RAD51B: variants seen among roughly 807,000 people sequenced by gnomAD.
The protein encoded by RAD51B is DNA repair protein RAD51 homolog 2.
A neutral mutation model predicts 42.2 loss-of-function variants in RAD51B; 38 were observed. The observed-to-expected ratio is 0.90, with a 90% CI of 0.70 to 1.18. The LOEUF (loss-of-function observed/expected upper bound fraction) is 1.18. Among genes scored for constraint, RAD51B ranks in the 50% most tolerant of loss-of-function variants. RAD51B has a pLI of 0.00. For synonymous variants in RAD51B, 154 were observed against 145.2 expected (o/e 1.06, Z -0.43); for missense variants, 373 against 400.7 (o/e 0.93, Z 0.59).
At chr14:68,618,876 G>A (rs1026757922) in intron 10 of RAD51B, among the ~76,000 whole-genome samples, 2 of 151,914 alleles carry the variant, frequency 1.3e-5, no homozygotes, top group Admixed American at 6.6e-5. Context: ...CCCATTCTTA[G>A]AATTCCTAGC....
At chr14:68,233,790 A>T (rs767565067) in intron 7 of RAD51B, among the ~76,000 whole-genome samples, 1 of 152,220 alleles carries the variant, frequency 6.6e-6, no homozygotes, top group Non-Finnish European at 1.5e-5. Context: ...AAATGCAAAG[A>T]GGTGTGAAAG....
chr14:68,230,831 G>T (rs2080134626), intron 7 of RAD51B, among the ~76,000 whole-genome samples: 1 of 152,146 alleles, frequency 6.6e-6, no homozygotes. Context: ...AGGCATCTTT[G>T]GTCATTGTAG....
intron 8 of RAD51B, among the ~76,000 whole-genome samples, chr14:68,327,468 T>G (rs1421924152): frequency 6.6e-6 from 1 of 151,866 alleles, no homozygotes; most frequent in Non-Finnish European, 1.5e-5. Context: ...AAGAGTATAT[T>G]ACGCTTGGAG....
intron 7 of RAD51B, among the ~76,000 whole-genome samples, chr14:67,957,913 A>C (rs1443063825): frequency 6.6e-6 from 1 of 152,220 alleles, no homozygotes; most frequent in Non-Finnish European, 1.5e-5. Flanking sequence ...TAAAACTTAC[A>C]TGAGAAGTCA....
At chr14:68,514,893 A>G (rs1369063702) in intron 10 of RAD51B, among the ~76,000 whole-genome samples, 5 of 152,214 alleles carry the variant, frequency 3.3e-5, no homozygotes, top group African/African-American at 1.2e-4. Context: ...AAGAAAAAAG[A>G]GTGAAAGGCT....
chr14:67,982,125 G>C (rs2075105284), intron 7 of RAD51B, among the ~76,000 whole-genome samples: 1 of 151,958 alleles, frequency 6.6e-6, no homozygotes, highest in Admixed American at 6.6e-5. Flanking sequence ...AGTAGAGACG[G>C]GGTTTCACCA....
At chr14:68,360,156 G>A (rs1026804208) in intron 8 of RAD51B, among the ~76,000 whole-genome samples, 16 of 152,200 alleles carry the variant, frequency 1.1e-4, no homozygotes, top group East Asian at 7.7e-4. Flanking sequence ...CCACTCTTCC[G>A]GGCCTTCTCT....
chr14:68,055,852 G>A (rs1309473246), intron 7 of RAD51B, among the ~76,000 whole-genome samples: 1 of 152,134 alleles, frequency 6.6e-6, no homozygotes, highest in Non-Finnish European at 1.5e-5. Flanking sequence ...GTCACAAAAC[G>A]TGAGTTTTAT....
At chr14:68,303,072 A>G (rs1480889801) in intron 8 of RAD51B, among the ~76,000 whole-genome samples, 1 of 152,198 alleles carries the variant, frequency 6.6e-6, no homozygotes, top group African/African-American at 2.4e-5. Flanking sequence ...TGAGGGTAAT[A>G]GGGAGCCATT....
At chr14:68,490,668 T>C (rs567084669) in intron 10 of RAD51B, among the ~76,000 whole-genome samples, 1 of 152,318 alleles carries the variant, frequency 6.6e-6, no homozygotes, top group East Asian at 1.9e-4. Context: ...AAGCTGACAC[T>C]CCTTCTCAAT....
chr14:68,660,266 A>C (rs1444622350), intron 11 of RAD51B, among the ~76,000 whole-genome samples: 1 of 152,240 alleles, frequency 6.6e-6, no homozygotes, highest in Non-Finnish European at 1.5e-5. Flanking sequence ...AAGCAGAAAA[A>C]TACCGGGCTG....
chr14:67,903,106 C>A (rs2043665991), intron 7 of RAD51B, among the ~76,000 whole-genome samples: 1 of 152,140 alleles, frequency 6.6e-6, no homozygotes, highest in Non-Finnish European at 1.5e-5. Context: ...GATCTGCCCA[C>A]CTCTGCCTCC....
intron 7 of RAD51B, among the ~76,000 whole-genome samples, chr14:68,091,670 T>C (rs2077102034): frequency 6.6e-6 from 1 of 152,234 alleles, no homozygotes; most frequent in Admixed American, 6.5e-5. Flanking sequence ...CTGATGGTAG[T>C]TTCTTTTGCT....
At chr14:68,361,042 T>C (rs1398416248) in intron 8 of RAD51B, among the ~76,000 whole-genome samples, 3 of 152,028 alleles carry the variant, frequency 2.0e-5, no homozygotes, top group Admixed American at 6.6e-5. Context: ...ATGGATTGCT[T>C]TGGGAGAGAG....
rs1447429648 is a variant in RAD51B, at chr14:68,477,738, G to A, written c.*74G>A. The A allele has an allele frequency of 1.3e-6, 2 of 1,579,698 alleles. No individual in the cohort carries two copies. The highest frequency in any genetic ancestry group is 4.5e-5 in the East Asian group (2 of 44,658). ...TAAAACAGGACCGTACTGCTTGGAA[G>A]AAGGAAACGGAAGCTGACATAATGG... is the stretch of plus-strand genomic sequence containing the variant. On this transcript the variant is annotated 3_prime_UTR_variant, in exon 11 of 11. Transcript: ENST00000471583.
At chr14:67,871,376 G>C (rs2042526086) in intron 5 of RAD51B, among the ~76,000 whole-genome samples, 1 of 152,124 alleles carries the variant, frequency 6.6e-6, no homozygotes, top group Non-Finnish European at 1.5e-5. Context: ...ACTCTCCCAA[G>C]ACTAAACCAG....
At chr14:68,041,286 T>G (rs1451059592) in intron 7 of RAD51B, among the ~76,000 whole-genome samples, 1 of 152,138 alleles carries the variant, frequency 6.6e-6, no homozygotes, top group Non-Finnish European at 1.5e-5. Flanking sequence ...CAACTAAACC[T>G]CTTTCTTTAT....
intron 10 of RAD51B, among the ~76,000 whole-genome samples, chr14:68,499,637 A>G (rs528868514): frequency 1.8e-4 from 27 of 152,326 alleles, no homozygotes; most frequent in East Asian, 3.9e-4. Context: ...TGAACTACCC[A>G]GGTGGGCCCT....
At chr14:68,576,419 T>C (rs947445192) in intron 10 of RAD51B, among the ~76,000 whole-genome samples, 3 of 152,220 alleles carry the variant, frequency 2.0e-5, no homozygotes, top group African/African-American at 7.2e-5. Context: ...CCAGAGGACC[T>C]TGAGGCTTTG....
Sources: gnomAD v4.1 joint callset for allele counts (sites outside exome capture counted in the v4.1 genomes callset) on GRCh38, gnomAD v4.1.1 for gene constraint, MANE v1.5 for transcripts, NCBI Gene and HGNC (gene_info 2026-07-23, HGNC 2026-07-21) for gene names.